The following CTCFL variants were observed in gnomAD, a reference collection of about 807,000 sequenced individuals.
The protein encoded by CTCFL is transcriptional repressor CTCFL.
CTCFL carries 36 observed loss-of-function variants against 67.4 expected under a neutral mutation model. The observed-to-expected ratio is 0.53, with a 90% CI of 0.41 to 0.71. The LOEUF (loss-of-function observed/expected upper bound fraction) is 0.71, where lower values mean the gene tolerates loss of function less well. CTCFL is among the 30% of genes least tolerant of loss of function. The probability of loss-of-function intolerance (pLI) is 0.00; values close to 1 mark genes in which losing one functional copy is unlikely to be tolerated. For synonymous variants in CTCFL, 324 were observed against 302.3 expected, an observed-to-expected ratio of 1.07 and a Z score of -0.75; for missense variants, 786 against 835.2, an observed-to-expected ratio of 0.94 and a Z score of 0.73.
In CTCFL at chr20:57,509,530, T is replaced by C. The variant is rs531408717; in HGVS notation, c.1492-742A>G. On this transcript the variant is annotated intron_variant, in intron 8 of 10. Transcript: ENST00000243914. ...CTCCTGCCTTAGCCTCCCAAAGTGC[T>C]GGGATTATAGGTGTGAGCCACTGTA... 2.6e-5 allele frequency among the ~76,000 whole-genome samples: 4 copies of C among 152,294 alleles called. No individual in the cohort carries two copies. In the South Asian group the frequency reaches 8.3e-4, roughly 32 times the overall value.
At chr20:57,514,526 T>G in intron 7 of CTCFL, 66 bp downstream of exon 7, 2 of 1,580,618 alleles carry the variant, frequency 1.3e-6, no homozygotes, top group South Asian at 2.4e-5. Context: ...CTTTGCAGGT[T>G]TATAGGACCA....
intron 7 of CTCFL, chr20:57,513,454 T>C: frequency 1.0e-6 from 1 of 990,696 alleles, no homozygotes; most frequent in Non-Finnish European, 1.2e-6. Flanking sequence ...AGAGCTTGAT[T>C]TCTCATACAG....
chr20:57,515,684 G>T lies in CTCFL; in HGVS notation c.1180+30C>A, dbSNP rs997595978. On this transcript the variant is annotated intron_variant, in intron 6 of 10. Transcript: ENST00000243914. ...CTTGCTTTAAGAGTTAACACTGTAG[G>T]TATCAGGCCTTCAGCACCAGAGCCC... is the stretch of plus-strand genomic sequence containing the variant. 4 of 1,613,898 alleles carry T rather than the reference G, an allele frequency of 2.5e-6. No homozygotes were observed. The African/African-American group carries it at 5.3e-5, about 22-fold the overall frequency.
intron 8 of CTCFL, among the ~76,000 whole-genome samples, chr20:57,512,190 C>T (rs1172135423): frequency 6.6e-6 from 1 of 152,162 alleles, no homozygotes; most frequent in Non-Finnish European, 1.5e-5. Flanking sequence ...TGTAAAACTG[C>T]CCTTTATTTT....
At chr20:57,518,617 C>T (rs1190316688) in intron 5 of CTCFL, 141 bp downstream of exon 5, 5 of 1,535,152 alleles carry the variant, frequency 3.3e-6, no homozygotes, top group Non-Finnish European at 4.4e-6. Flanking sequence ...AAAGAGAATG[C>T]ATATTATTTC....
intron 9 of CTCFL, among the ~76,000 whole-genome samples, chr20:57,505,740 C>T (rs1476640180): frequency 6.6e-6 from 1 of 152,148 alleles, no homozygotes; most frequent in East Asian, 1.9e-4. Context: ...AAACTGTATA[C>T]AACATTCAGG....
intron 1 of CTCFL, 129 bp from the exon 2 acceptor site, chr20:57,524,345 C>G: frequency 4.0e-6 from 6 of 1,488,932 alleles, no homozygotes; most frequent in Non-Finnish European, 5.3e-6. Flanking sequence ...AGGTTTTGGA[C>G]TTAGTAGGGT....
At chr20:57,518,089 T>G (rs1397191127) in intron 5 of CTCFL, among the ~76,000 whole-genome samples, 1 of 152,168 alleles carries the variant, frequency 6.6e-6, no homozygotes, top group Non-Finnish European at 1.5e-5. Context: ...TCCATTTGGG[T>G]GTACTGTTGA....
At chr20:57,515,637 A>C (rs764601356) in intron 6 of CTCFL, 77 bp downstream of exon 6, 109 of 1,584,688 alleles carry the variant, frequency 6.9e-5, no homozygotes, top group Non-Finnish European at 9.3e-5. Flanking sequence ...TAATTGTGCC[A>C]ATAAAAAGTA....
chr20:57,508,611 G>A lies in CTCFL; in HGVS notation c.1669C>T (p.Arg557Cys), dbSNP rs61754540. The A allele has an allele frequency of 2.5e-5, 40 of 1,613,796 alleles. No homozygotes were observed. Among genetic ancestry groups the A allele is most frequent in the Non-Finnish European group, 3.1e-5 (36 of 1,179,832 alleles). The change falls in exon 9 of 11, where the codon CGC becomes TGC. Residue 557 changes from arginine (R) to cysteine (C), a missense_variant. Arg to Cys is a radical substitution (Grantham distance 180, BLOSUM62 -3). Coordinates refer to ENST00000243914, the MANE Select transcript of CTCFL (RefSeq NM_001386993.1). ...KCSKCGKGFS[R>C]WINLHRHSEK... is the part of the protein sequence containing the mutation. Reference sequence around the variant, plus strand: ...TGTGACTTAAGTAAGCTTACCCAGCGGGAAAAGCCTTTGCCACACTTGGAG... The same window carrying A: ...TGTGACTTAAGTAAGCTTACCCAGCAGGAAAAGCCTTTGCCACACTTGGAG...
At chr20:57,515,859 G>T in intron 5 of CTCFL, 25 bp from the exon 6 acceptor site, 1 of 1,588,018 alleles carries the variant, frequency 6.3e-7, no homozygotes, top group Non-Finnish European at 8.6e-7. Context: ...AATGATGTTC[G>T]TTGCAATAGA....
At chr20:57,507,076 G>T in intron 9 of CTCFL, 1 of 989,924 alleles carries the variant, frequency 1.0e-6, no homozygotes. Context: ...CTAGCCATGT[G>T]CAGTGGTTTT....
At chr20:57,497,007 ATT>A (rs34176396), downstream of CTCFL, among the ~76,000 whole-genome samples, 7,953 of 138,838 alleles carry the variant, frequency 0.057, 278 homozygotes, top group African/African-American at 0.11. Context: ...TGCTATTTCC[ATT>A]TTTTTTTTTT....
chr20:57,516,602 T>G (rs1020790004), intron 5 of CTCFL, among the ~76,000 whole-genome samples: 1 of 152,200 alleles, frequency 6.6e-6, no homozygotes, highest in Admixed American at 6.5e-5. Context: ...TCTGTATGTC[T>G]TGCCTCATGG....
intron 5 of CTCFL, 38 bp from the exon 6 acceptor site, chr20:57,515,872 C>G (rs1053346292): frequency 1.3e-6 from 2 of 1,578,186 alleles, no homozygotes; most frequent in African/African-American, 2.7e-5. Context: ...GCAATAGAAA[C>G]TAAAAAATGG....
intron 5 of CTCFL, among the ~76,000 whole-genome samples, chr20:57,516,210 AT>A (rs942080825): frequency 6.6e-6 from 1 of 151,576 alleles, no homozygotes; most frequent in African/African-American, 2.4e-5. Flanking sequence ...AAAGGCAAAC[AT>A]TTTTTTTTCC....
At chr20:57,508,525 A>C in intron 9 of CTCFL, 81 bp downstream of exon 9, 2 of 1,389,344 alleles carry the variant, frequency 1.4e-6, no homozygotes, top group Non-Finnish European at 2.0e-6. Flanking sequence ...AATCGGGTTT[A>C]AACTCTCCTG....
At chr20:57,505,492 G>A (rs558583523) in intron 9 of CTCFL, among the ~76,000 whole-genome samples, 17 of 152,048 alleles carry the variant, frequency 1.1e-4, no homozygotes, top group Non-Finnish European at 2.2e-4. Context: ...TCCTGACCTC[G>A]TGATCCGCCC....
At chr20:57,511,408 C>T (rs1453188912) in intron 8 of CTCFL, among the ~76,000 whole-genome samples, 1 of 152,026 alleles carries the variant, frequency 6.6e-6, no homozygotes, top group Non-Finnish European at 1.5e-5. Context: ...TGCTCCTCTG[C>T]GACATTATAA....
Sources: gnomAD v4.1 joint callset for allele counts (sites outside exome capture counted in the v4.1 genomes callset) on GRCh38, gnomAD v4.1.1 for gene constraint, MANE v1.5 for transcripts, NCBI Gene and HGNC (gene_info 2026-07-23, HGNC 2026-07-21) for gene names.